ADRA1B: variants seen among roughly 807,000 people sequenced by gnomAD.
ADRA1B encodes the protein alpha-1B adrenergic receptor.
ADRA1B carries 17 observed loss-of-function variants against 17.9 expected under a neutral mutation model. The observed-to-expected ratio is 0.95, with a 90% confidence interval of 0.65 to 1.42. The LOEUF is 1.42. ADRA1B is among the 40% of genes most tolerant of loss of function. The pLI, the probability that ADRA1B is intolerant of heterozygous loss-of-function variation, is 0.00. For synonymous variants in ADRA1B, 366 were observed against 327.6 expected (o/e 1.12, Z -1.27); for missense variants, 681 against 722.1 (o/e 0.94, Z 0.65).
intron 1 of ADRA1B, among the ~76,000 whole-genome samples, chr5:159,887,635 A>G (rs919574999): frequency 6.6e-6 from 1 of 152,206 alleles, no homozygotes; most frequent in Admixed American, 6.5e-5. Context: ...CATCGGCATC[A>G]TATTTGGTTG....
intron 1 of ADRA1B, among the ~76,000 whole-genome samples, chr5:159,957,943 A>G (rs921956455): frequency 6.6e-6 from 1 of 150,460 alleles, no homozygotes; most frequent in East Asian, 1.9e-4. Context: ...AAAAAAAAAA[A>G]AAAAAAAAAG....
intron 1 of ADRA1B, among the ~76,000 whole-genome samples, chr5:159,952,790 G>A (rs1755470530): frequency 1.3e-5 from 2 of 152,136 alleles, no homozygotes; most frequent in South Asian, 4.1e-4. Flanking sequence ...ACTATCTTCT[G>A]TATTTTTCTT....
intron 1 of ADRA1B, among the ~76,000 whole-genome samples, chr5:159,970,107 C>T: frequency 6.6e-6 from 1 of 152,106 alleles, no homozygotes; most frequent in East Asian, 1.9e-4. Context: ...TTTGGGATCT[C>T]ACATTCAGAG....
chr5:159,876,004 C>T (rs1246273638), intron 1 of ADRA1B, among the ~76,000 whole-genome samples: 1 of 152,166 alleles, frequency 6.6e-6, no homozygotes, highest in South Asian at 2.1e-4. Flanking sequence ...GCCTGGCCAA[C>T]ATGGTAAAAC....
At chr5:159,943,170 C>T (rs1755180349) in intron 1 of ADRA1B, among the ~76,000 whole-genome samples, 1 of 151,412 alleles carries the variant, frequency 6.6e-6, no homozygotes, top group African/African-American at 2.4e-5. Flanking sequence ...CGAGATTGCG[C>T]CACTGTACTC....
rs1482270753 is a variant in ADRA1B at position 159,917,465 on chromosome 5, C to T, written c.560C>T (p.Pro187Leu). Residue 187 changes from proline to leucine, a missense_variant, in exon 1 of 2, where the codon CCG becomes CTG. Physicochemically the swap from Pro to Leu is moderately conservative, Grantham distance 98 (BLOSUM62 -3). Coordinates refer to ENST00000306675, the MANE Select transcript of ADRA1B (RefSeq NM_000679.4). ...SIGPLLGWKE[P>L]APNDDKECGV... ...GGGCCTCTCCTTGGGTGGAAGGAGC[C>T]GGCACCCAACGATGACAAGGAGTGC... 5.0e-6 allele frequency: 8 copies of T among 1,614,008 alleles called. No individual in the cohort carries two copies. The highest frequency in any genetic ancestry group is 4.0e-5 in the African/African-American group (3 of 74,900).
At chr5:159,957,377 G>A (rs866798202) in intron 1 of ADRA1B, among the ~76,000 whole-genome samples, 4 of 151,430 alleles carry the variant, frequency 2.6e-5, no homozygotes, top group South Asian at 2.1e-4. Flanking sequence ...GCCATTGTGC[G>A]CACCTTTAGT....
chr5:159,873,017 T>C (rs1753765152), intron 1 of ADRA1B, among the ~76,000 whole-genome samples: 1 of 140,982 alleles, frequency 7.1e-6, no homozygotes, highest in South Asian at 2.3e-4. Flanking sequence ...TGAGTGAGAA[T>C]ATGCGGTGTT....
chr5:159,901,177 A>G (rs1349310988), intron 1 of ADRA1B, among the ~76,000 whole-genome samples: 1 of 151,742 alleles, frequency 6.6e-6, no homozygotes, highest in Non-Finnish European at 1.5e-5. Flanking sequence ...ACAAGCTCCC[A>G]AAGAGTCAGA....
intron 1 of ADRA1B, among the ~76,000 whole-genome samples, chr5:159,959,166 G>T (rs750000734): frequency 3.3e-5 from 5 of 152,168 alleles, no homozygotes; most frequent in Non-Finnish European, 7.3e-5. Context: ...ATATTAACCC[G>T]TGTACTATGG....
At chr5:159,969,190 C>T (rs1755824725) in intron 1 of ADRA1B, among the ~76,000 whole-genome samples, 1 of 152,164 alleles carries the variant, frequency 6.6e-6, no homozygotes, top group Non-Finnish European at 1.5e-5. Flanking sequence ...TGCCTCATTT[C>T]CCCCAACCTA....
At chr5:159,939,278 A>AGAGAGTGT (rs1417832136) in intron 1 of ADRA1B, among the ~76,000 whole-genome samples, 66 of 98,354 alleles carry the variant, frequency 6.7e-4, no homozygotes, top group Non-Finnish European at 1.0e-3. Flanking sequence ...AGAGAGAGAG[A>AGAGAGTGT]GTGTGTGTGT....
At chr5:159,872,427 C>A (rs967401461) in intron 1 of ADRA1B, among the ~76,000 whole-genome samples, 3 of 152,118 alleles carry the variant, frequency 2.0e-5, no homozygotes, top group African/African-American at 7.2e-5. Flanking sequence ...CCCTGTGATA[C>A]AGAACAGAGG....
intron 1 of ADRA1B, among the ~76,000 whole-genome samples, chr5:159,943,027 C>T (rs1755176146): frequency 1.3e-5 from 2 of 152,112 alleles, no homozygotes; most frequent in Non-Finnish European, 2.9e-5. Context: ...GTCTGGCCAA[C>T]ATGGTGAAAC....
At chr5:159,882,692 T>A (rs1753875434) in intron 1 of ADRA1B, among the ~76,000 whole-genome samples, 1 of 152,220 alleles carries the variant, frequency 6.6e-6, no homozygotes, top group Non-Finnish European at 1.5e-5. Context: ...TGCTTGGTAA[T>A]ATCCAAGCTG....
chr5:159,873,079 T>A (rs1753765850), intron 1 of ADRA1B, among the ~76,000 whole-genome samples: 1 of 152,172 alleles, frequency 6.6e-6, no homozygotes, highest in Non-Finnish European at 1.5e-5. Flanking sequence ...TCTAGCTTCA[T>A]CCATGTCCCT....
At chr5:159,909,182 C>T (rs1320929365) in intron 1 of ADRA1B, among the ~76,000 whole-genome samples, 2 of 152,136 alleles carry the variant, frequency 1.3e-5, no homozygotes. Context: ...CACGCTGCTC[C>T]CCCCTTCACT....
intron 1 of ADRA1B, among the ~76,000 whole-genome samples, chr5:159,894,917 C>A (rs551265052): frequency 6.6e-6 from 1 of 152,340 alleles, no homozygotes; most frequent in Non-Finnish European, 1.5e-5. Context: ...ATCAGACAAG[C>A]ACCATCATGA....
intron 1 of ADRA1B, chr5:159,955,138 A>G (rs1457071678): frequency 1.0e-6 from 1 of 984,764 alleles, no homozygotes; most frequent in Non-Finnish European, 1.2e-6. Flanking sequence ...AAGACAAGAA[A>G]GGGCTCTGGT....
Sources: gnomAD v4.1 joint callset for allele counts (sites outside exome capture counted in the v4.1 genomes callset) on GRCh38, gnomAD v4.1.1 for gene constraint, MANE v1.5 for transcripts, NCBI Gene and HGNC (gene_info 2026-07-23, HGNC 2026-07-21) for gene names.